The following TRAPPC9 variants were observed in gnomAD, a reference collection of about 807,000 sequenced individuals.
TRAPPC9 encodes the protein IKK2 binding protein.
A neutral mutation model predicts 124.0 loss-of-function variants in TRAPPC9; 83 were observed. The observed-to-expected ratio is 0.67, with a 90% CI of 0.56 to 0.80. The LOEUF is 0.80. Among genes scored for constraint, TRAPPC9 ranks in the 30% least tolerant of loss-of-function variants. The probability of loss-of-function intolerance (pLI) is 0.00; values close to 1 mark genes in which losing one functional copy is unlikely to be tolerated. For synonymous variants in TRAPPC9, 638 were observed against 617.5 expected (o/e 1.03, Z -0.49); for missense variants, 1,302 against 1,508.3 (o/e 0.86, Z 2.27).
At chr8:140,208,402 C>T (rs1376443770) in intron 17 of TRAPPC9, among the ~76,000 whole-genome samples, 5 of 152,192 alleles carry the variant, frequency 3.3e-5, no homozygotes, top group African/African-American at 1.2e-4. Context: ...CTGTGGTCTC[C>T]ACACCAGAAG....
At chr8:140,044,349 A>G (rs1214266970) in intron 17 of TRAPPC9, among the ~76,000 whole-genome samples, 1 of 152,112 alleles carries the variant, frequency 6.6e-6, no homozygotes, top group Non-Finnish European at 1.5e-5. Flanking sequence ...CAAGATATCA[A>G]TCACCTCTGG....
chr8:139,935,750 G>A (rs1318339194), intron 19 of TRAPPC9, among the ~76,000 whole-genome samples: 1 of 148,126 alleles, frequency 6.8e-6, no homozygotes, highest in African/African-American at 2.5e-5. Context: ...CTTGATGACA[G>A]TAACAAAAGA....
At chr8:140,119,475 C>A (rs1185046445) in intron 17 of TRAPPC9, among the ~76,000 whole-genome samples, 2 of 152,208 alleles carry the variant, frequency 1.3e-5, no homozygotes, top group African/African-American at 4.8e-5. Flanking sequence ...TGGAGAAACT[C>A]ACCCCGCAAG....
intron 17 of TRAPPC9, among the ~76,000 whole-genome samples, chr8:140,105,743 T>C (rs1194172948): frequency 6.6e-6 from 1 of 152,122 alleles, no homozygotes; most frequent in Non-Finnish European, 1.5e-5. Context: ...TTTCTTTTTG[T>C]CTTTAATCGC....
intron 21 of TRAPPC9, among the ~76,000 whole-genome samples, chr8:139,813,534 C>T (rs977629199): frequency 2.0e-5 from 3 of 152,254 alleles, no homozygotes; most frequent in Admixed American, 6.5e-5. Context: ...AGGAGGGGAG[C>T]ACCAGGCCTC....
Position 140,063,324 on chromosome 8 carries a change from C to T in TRAPPC9, c.2557-39245G>A, listed in dbSNP as rs577961709. On this transcript the variant is annotated intron_variant, in intron 17 of 22. Transcript: ENST00000438773. This position sits in a 1 kb window ranked among gnomAD's most constrained non-coding sequence, Gnocchi z 4.3. ...CCCACGTGGCCTTCCGCTTCCTGTG[C>T]TCTCACCTCACGTCACCACGCAGTC... is the stretch of plus-strand genomic sequence containing the variant. Among the ~76,000 whole-genome samples, 1 of 152,348 alleles carries T rather than the reference C, an allele frequency of 6.6e-6. No homozygotes were observed. Among genetic ancestry groups the T allele is most frequent in the African/African-American group, 2.4e-5 (1 of 41,576 alleles).
intron 17 of TRAPPC9, among the ~76,000 whole-genome samples, chr8:140,130,865 CAG>C (rs1270560466): frequency 6.6e-6 from 1 of 152,100 alleles, no homozygotes; most frequent in Non-Finnish European, 1.5e-5. Context: ...AAAAATCACA[CAG>C]AAAAATTGCC....
intron 17 of TRAPPC9, among the ~76,000 whole-genome samples, chr8:140,069,100 A>C (rs983457985): frequency 9.2e-5 from 14 of 152,198 alleles, no homozygotes; most frequent in African/African-American, 3.4e-4. Flanking sequence ...TATCAAAGGG[A>C]GCTGTCCCGA....
intron 21 of TRAPPC9, among the ~76,000 whole-genome samples, chr8:139,790,767 C>T (rs901542589): frequency 6.6e-6 from 1 of 152,190 alleles, no homozygotes; most frequent in Non-Finnish European, 1.5e-5. Context: ...CACCAAATCT[C>T]ATGGTGAAAT....
chr8:140,293,325 G>A (rs1186621429), intron 11 of TRAPPC9, among the ~76,000 whole-genome samples: 2 of 151,540 alleles, frequency 1.3e-5, no homozygotes, highest in Non-Finnish European at 2.9e-5. Context: ...CAGGGATCTA[G>A]AACCAGAAAT....
intron 17 of TRAPPC9, among the ~76,000 whole-genome samples, chr8:140,042,476 G>A (rs1046243089): frequency 3.3e-5 from 5 of 152,212 alleles, no homozygotes; most frequent in Admixed American, 3.3e-4. Flanking sequence ...TTATAGAAGA[G>A]TCCTGATCTT....
At chr8:140,285,998 G>C (rs1368240235) in intron 13 of TRAPPC9, among the ~76,000 whole-genome samples, 2 of 152,352 alleles carry the variant, frequency 1.3e-5, no homozygotes, top group Admixed American at 6.5e-5. Flanking sequence ...CGGAGCTGCA[G>C]CTGAGCGAGA....
At chr8:140,395,459 G>A (rs761909709) in intron 7 of TRAPPC9, among the ~76,000 whole-genome samples, 2 of 152,290 alleles carry the variant, frequency 1.3e-5, no homozygotes, top group Admixed American at 1.3e-4. Context: ...ATGCCAACCC[G>A]AGCAGTCTGT....
At chr8:139,829,589 C>G (rs1205849062) in intron 21 of TRAPPC9, among the ~76,000 whole-genome samples, 2 of 152,220 alleles carry the variant, frequency 1.3e-5, no homozygotes, top group Non-Finnish European at 2.9e-5. Context: ...TGGTTCTCAC[C>G]AAGAGCCTTG....
chr8:140,260,174 T>C (rs1014418908), intron 15 of TRAPPC9, among the ~76,000 whole-genome samples: 14 of 152,108 alleles, frequency 9.2e-5, no homozygotes, highest in Admixed American at 9.2e-4. Context: ...TGCTAACATT[T>C]CACTCGAGTC....
At chr8:140,230,349 C>G (rs951067903) in intron 16 of TRAPPC9, among the ~76,000 whole-genome samples, 1 of 152,182 alleles carries the variant, frequency 6.6e-6, no homozygotes, top group Non-Finnish European at 1.5e-5. Flanking sequence ...TGGCTCATGC[C>G]TGTAATCCCA....
intron 17 of TRAPPC9, among the ~76,000 whole-genome samples, chr8:140,210,707 A>C (rs902120281): frequency 3.0e-4 from 45 of 152,158 alleles, no homozygotes; most frequent in Non-Finnish European, 5.9e-5. Context: ...CACAGTCCCA[A>C]CTGCACACCT....
chr8:140,177,101 T>C lies in TRAPPC9; in HGVS notation c.2556+44358A>G, dbSNP rs960922760. Among the ~76,000 whole-genome samples the C allele has an allele frequency of 1.1e-4, 17 of 152,218 alleles. 1 individual carries two copies. The highest frequency in any genetic ancestry group is 1.0e-3 in the Admixed American group (16 of 15,280). On this transcript the variant is annotated intron_variant, in intron 17 of 22. Transcript: ENST00000438773. ...TACTTACTCCAAGGCTGAGCTTGCT[T>C]TTTTATTGCTTTAAAAGTGGCTTTT...
At chr8:140,175,528 T>A (rs995127250) in intron 17 of TRAPPC9, among the ~76,000 whole-genome samples, 6 of 152,196 alleles carry the variant, frequency 3.9e-5, no homozygotes, top group African/African-American at 1.2e-4. Flanking sequence ...TTAGAAAATG[T>A]AAGGCTCACA....
Sources: allele counts gnomAD v4.1 joint callset (sites outside exome capture counted in the v4.1 genomes callset), GRCh38; gene constraint gnomAD v4.1.1; non-coding constraint Gnocchi (gnomAD v3.1); transcripts MANE v1.5; gene names NCBI Gene and HGNC (gene_info 2026-07-23, HGNC 2026-07-21).